The following NOX3 variants were observed in gnomAD, a reference collection of about 807,000 sequenced individuals.
The protein encoded by NOX3 is NADPH oxidase 3, also known as NADPH oxidase catalytic subunit-like 3.
NOX3 carries 74 observed loss-of-function variants against 76.7 expected under a neutral mutation model. That is an observed-to-expected ratio of 0.96 (90% confidence interval 0.80 to 1.17). The LOEUF is 1.17. NOX3 is among the 50% of genes most tolerant of loss of function. The probability of loss-of-function intolerance (pLI) is 0.00; values close to 1 mark genes in which losing one functional copy is unlikely to be tolerated. For synonymous variants in NOX3, 263 were observed against 261.1 expected, an observed-to-expected ratio of 1.01 and a Z score of -0.07; for missense variants, 695 against 703.3, an observed-to-expected ratio of 0.99 and a Z score of 0.13.
chr6:155,432,022 T>C (rs186590631), intron 7 of NOX3, among the ~76,000 whole-genome samples: 73 of 152,336 alleles, frequency 4.8e-4, no homozygotes, highest in Admixed American at 3.6e-3. Flanking sequence ...GGATACTGCA[T>C]GCTCTTGGAA....
At position 155,454,797 on chromosome 6, in the gene NOX3, A is replaced by G; in HGVS notation, c.255+14T>C. ...CGTAACAGTTGAGATTATTTCAGAT[A>G]TTTTAGTACTTACAATACTTGTTCC... On this transcript the variant is annotated intron_variant, in intron 3 of 13. Coordinates refer to ENST00000159060, the MANE Select transcript of NOX3 (RefSeq NM_015718.3). 1 of 1,413,764 alleles carries G rather than the reference A, an allele frequency of 7.1e-7. No homozygotes were observed. The highest frequency in any genetic ancestry group is 1.3e-5 in the South Asian group (1 of 79,918). The allele number at this position is 1,413,764 out of a possible 1,614,324, so 87.6% of individuals were successfully genotyped here.
At position 155,454,889 on chromosome 6, in the gene NOX3, C is replaced by G. The variant is rs1264187937; in HGVS notation, c.177G>C (p.Leu59=). 1 of 1,610,908 alleles carries G rather than the reference C, an allele frequency of 6.2e-7. No homozygotes were observed. Among genetic ancestry groups the G allele is most frequent in the African/African-American group, 1.3e-5 (1 of 74,700 alleles). ...STLAWARASA[L]CLNFNCMLIL... is the part of the protein sequence containing the mutation. The stretch of plus-strand genomic sequence containing the variant: ...TTAGCATGCAGTTAAAATTCAGGCA[C>G]AGTGCGGATGCTCGTGCCCAAGCCA... The change falls in exon 3 of 14, where the codon CTG becomes CTC. Residue 59 remains leucine (L), a synonymous_variant. Coordinates refer to ENST00000159060, the MANE Select transcript of NOX3 (RefSeq NM_015718.3).
At chr6:155,423,744 T>C (rs1435265902) in intron 9 of NOX3, among the ~76,000 whole-genome samples, 1 of 130,816 alleles carries the variant, frequency 7.6e-6, no homozygotes, top group Non-Finnish European at 1.6e-5. Flanking sequence ...TTTCTTTTTC[T>C]TTTTTTTTTT....
intron 12 of NOX3, among the ~76,000 whole-genome samples, chr6:155,398,630 A>C (rs994526082): frequency 2.6e-5 from 4 of 152,238 alleles, no homozygotes; most frequent in African/African-American, 9.6e-5. Context: ...GCTAAATTTG[A>C]GAAAGTAATT....
intron 10 of NOX3, among the ~76,000 whole-genome samples, chr6:155,416,470 A>C (rs1476900205): frequency 1.1e-4 from 16 of 152,176 alleles, no homozygotes. Context: ...ATTTCTTCTT[A>C]ATGATAAGCC....
At chr6:155,421,163 T>C (rs1776684618) in intron 10 of NOX3, among the ~76,000 whole-genome samples, 1 of 152,134 alleles carries the variant, frequency 6.6e-6, no homozygotes, top group Non-Finnish European at 1.5e-5. Context: ...ACGTCTACCA[T>C]GTGTTGGTTT....
Position 155,454,841 on chromosome 6 carries a change from G to C in NOX3, c.225C>G (p.Asn75Lys), listed in dbSNP as rs1562475098. 1 of 1,600,606 alleles carries C rather than the reference G, an allele frequency of 6.2e-7. No homozygotes were observed. The change falls in exon 3 of 14, where the codon AAC (asparagine) becomes AAG (lysine). Residue 75 changes from asparagine to lysine, a missense_variant. Transcript: ENST00000159060. Reference sequence around the variant, plus strand: ...TTGTTCCTCTTATGAATGAAATAAGGTTTCGACTGACAGGTATTAGAATTA... The same window carrying C: ...TTGTTCCTCTTATGAATGAAATAAGCTTTCGACTGACAGGTATTAGAATTA... ...CMLILIPVSR[N>K]LISFIRGTSI...
In NOX3 at chr6:155,440,092, G is replaced by A. The variant is rs1355000515; in HGVS notation, c.532C>T (p.Leu178=). 3.1e-6 allele frequency: 5 copies of A among 1,613,206 alleles called. No homozygotes were observed. The African/African-American group carries it at 6.7e-5, about 22-fold the overall frequency. Residue 178 remains leucine, a synonymous_variant, in exon 6 of 14, where the codon CTG becomes TTG. Transcript: ENST00000159060. ...LLRTIAGVTG[L]VISLALVLIM... The stretch of plus-strand genomic sequence containing the variant: ...AAGACTAAAGCCAGAGAGATCACCA[G>A]ACCGGTGACGCCTGCTATTGTCCTT...
At chr6:155,413,017 G>A (rs560411933) in intron 10 of NOX3, among the ~76,000 whole-genome samples, 4 of 152,334 alleles carry the variant, frequency 2.6e-5, no homozygotes, top group African/African-American at 9.6e-5. Context: ...GGCTCAATGA[G>A]CCCTCTCTTG....
chr6:155,409,138 C>T (rs1046427376), intron 11 of NOX3, among the ~76,000 whole-genome samples: 1 of 152,172 alleles, frequency 6.6e-6, no homozygotes, highest in Non-Finnish European at 1.5e-5. Flanking sequence ...AAGTTGTGAG[C>T]AGGCAAGTCT....
intron 1 of NOX3, 125 bp downstream of exon 1, chr6:155,455,628 A>T (rs887002782): frequency 1.5e-6 from 1 of 646,096 alleles, no homozygotes; most frequent in African/African-American, 1.8e-5. Flanking sequence ...ATGTTTTCTA[A>T]CAAGTTTTAG....
intron 12 of NOX3, among the ~76,000 whole-genome samples, chr6:155,402,683 A>T (rs1429365379): frequency 1.3e-5 from 2 of 152,172 alleles, no homozygotes; most frequent in Non-Finnish European, 2.9e-5. Flanking sequence ...TTCTATAAAA[A>T]ATCTTTTTGC....
chr6:155,449,857 G>A (rs1224170999), intron 4 of NOX3, among the ~76,000 whole-genome samples: 1 of 152,148 alleles, frequency 6.6e-6, no homozygotes, highest in African/African-American at 2.4e-5. Context: ...ATAAGCGCAG[G>A]GACATTTTCA....
At chr6:155,431,390 G>A (rs1776830189) in intron 7 of NOX3, among the ~76,000 whole-genome samples, 1 of 142,450 alleles carries the variant, frequency 7.0e-6, no homozygotes, top group African/African-American at 2.6e-5. Flanking sequence ...CACAACTACA[G>A]GGTCTGCCTG....
chr6:155,448,580 G>A (rs145038443), intron 4 of NOX3, among the ~76,000 whole-genome samples: 117 of 147,046 alleles, frequency 8.0e-4, no homozygotes, highest in African/African-American at 2.4e-3. Context: ...CTACACATGC[G>A]CATTTAATTG....
At chr6:155,424,114 C>A (rs1425717248) in intron 9 of NOX3, among the ~76,000 whole-genome samples, 1 of 152,166 alleles carries the variant, frequency 6.6e-6, no homozygotes, top group African/African-American at 2.4e-5. Flanking sequence ...CCCAATCATT[C>A]CTTTCCTGTG....
intron 6 of NOX3, 115 bp from the exon 7 acceptor site, chr6:155,436,662 C>A: frequency 9.5e-7 from 1 of 1,048,138 alleles, no homozygotes; most frequent in Non-Finnish European, 1.4e-6. Flanking sequence ...AATATCACTT[C>A]CAGTTCTTGA....
chr6:155,407,033 G>C, intron 12 of NOX3, 97 bp downstream of exon 12: 2 of 1,327,550 alleles, frequency 1.5e-6, no homozygotes, highest in Non-Finnish European at 2.1e-6. Context: ...GTCTCTAATG[G>C]AGATATACGG....
At chr6:155,426,354 C>T (rs1034439288) in intron 9 of NOX3, among the ~76,000 whole-genome samples, 6 of 152,172 alleles carry the variant, frequency 3.9e-5, no homozygotes, top group Non-Finnish European at 8.8e-5. Flanking sequence ...TCTCATAGAG[C>T]TTCCATTCTA....
Sources: allele counts gnomAD v4.1 joint callset (sites outside exome capture counted in the v4.1 genomes callset), GRCh38; gene constraint gnomAD v4.1.1; transcripts MANE v1.5; gene names NCBI Gene and HGNC (gene_info 2026-07-23, HGNC 2026-07-21).